Variants in CACNA1B observed in about 807,000 individuals in gnomAD.
The protein encoded by CACNA1B is voltage-dependent N-type calcium channel subunit alpha-1B.
Under a neutral mutation model 247.2 loss-of-function variants are expected in CACNA1B, and 70 were observed. The ratio of observed to expected loss-of-function variants is 0.28; its 90% CI spans 0.23 to 0.35. The LOEUF (loss-of-function observed/expected upper bound fraction) is 0.35, where lower values mean the gene tolerates loss of function less well. Among genes scored for constraint, CACNA1B ranks in the 10% least tolerant of loss-of-function variants. CACNA1B has a pLI of 1.00. For missense variants in CACNA1B, 2,367 were observed against 3,197.4 expected, an observed-to-expected ratio of 0.74 and a Z score of 6.26; for synonymous variants, 1,231 against 1,294.4, an observed-to-expected ratio of 0.95 and a Z score of 1.05.
intron 20 of CACNA1B, chr9:138,032,722 G>T: frequency 2.2e-6 from 1 of 452,612 alleles, no homozygotes; most frequent in African/African-American, 2.0e-5. Context: ...TGACCTCCAT[G>T]GTTTCTGATG....
intron 6 of CACNA1B, among the ~76,000 whole-genome samples, chr9:137,936,691 T>G (rs1353862089): frequency 6.6e-6 from 1 of 152,262 alleles, no homozygotes; most frequent in Non-Finnish European, 1.5e-5. Context: ...TTCAGCTTTC[T>G]ATATATGGCT....
chr9:138,099,258 T>A (rs1961163647), intron 37 of CACNA1B, among the ~76,000 whole-genome samples: 2 of 152,258 alleles, frequency 1.3e-5, no homozygotes, highest in African/African-American at 4.8e-5. Flanking sequence ...TCTACATGTG[T>A]GTTTTGTGCA....
intron 6 of CACNA1B, among the ~76,000 whole-genome samples, chr9:137,951,971 G>A (rs1185568111): frequency 1.3e-5 from 2 of 152,182 alleles, no homozygotes; most frequent in African/African-American, 4.8e-5. Flanking sequence ...CACTGCTGTG[G>A]CTCCCTGGGC....
chr9:138,031,404 T>A (rs1282846737), intron 20 of CACNA1B, among the ~76,000 whole-genome samples: 1 of 152,176 alleles, frequency 6.6e-6, no homozygotes, highest in African/African-American at 2.4e-5. Context: ...TTCTTTTAAG[T>A]TTGTTAAGGT....
chr9:137,916,533 G>A (rs904898947), intron 5 of CACNA1B, among the ~76,000 whole-genome samples: 32 of 152,164 alleles, frequency 2.1e-4, no homozygotes, highest in South Asian at 2.1e-4. Flanking sequence ...TCAGTGCAGC[G>A]AGACCTGGGC....
chr9:137,922,881 C>T (rs1198873590), intron 6 of CACNA1B, among the ~76,000 whole-genome samples: 1 of 152,170 alleles, frequency 6.6e-6, no homozygotes, highest in African/African-American at 2.4e-5. Context: ...TAGAGCATCT[C>T]CATCCCTGCA....
intron 16 of CACNA1B, among the ~76,000 whole-genome samples, chr9:138,008,884 A>C (rs771789968): frequency 7.9e-5 from 12 of 152,208 alleles, no homozygotes; most frequent in Non-Finnish European, 1.8e-4. Context: ...CTGCCGTCCC[A>C]TAGAGGATTG....
chr9:138,064,469 GCCT>G (rs1171821542), intron 31 of CACNA1B, among the ~76,000 whole-genome samples: 1 of 152,224 alleles, frequency 6.6e-6, no homozygotes, highest in African/African-American at 2.4e-5. Flanking sequence ...GCTGTTATCA[GCCT>G]TCTGCTCACT....
Position 138,023,381 on chromosome 9 carries a change from GGTGCCC to G in CACNA1B, c.2640_2645del (p.Ala881_Arg882del). On this transcript the variant is annotated inframe_deletion, in exon 19 of 47. Coordinates refer to ENST00000371372, the MANE Select transcript of CACNA1B (RefSeq NM_000718.4). Reference sequence around the variant, plus strand: ...CCCGAAGGCGGAGAGCGGGGAGCCCGGTGCCCGGGAGGAGCGGCCGCGGCCGCACCG... The same window carrying G: ...CCCGAAGGCGGAGAGCGGGGAGCCCGGGGAGGAGCGGCCGCGGCCGCACCG... 7.2e-7 allele frequency: 1 copy of G among 1,379,604 alleles called. No homozygotes were observed. The highest frequency in any genetic ancestry group is 9.3e-7 in the Non-Finnish European group (1 of 1,074,702). 85.5% of individuals were successfully genotyped at this position (1,379,604 alleles called of 1,614,324 possible).
chr9:138,067,932 G>A (rs1959977984), intron 31 of CACNA1B, among the ~76,000 whole-genome samples: 2 of 152,202 alleles, frequency 1.3e-5, no homozygotes, highest in Non-Finnish European at 2.9e-5. Flanking sequence ...AGTGCCCATC[G>A]GTAACAGAAT....
intron 32 of CACNA1B, among the ~76,000 whole-genome samples, chr9:138,070,229 A>T (rs1960075961): frequency 6.6e-6 from 1 of 151,320 alleles, no homozygotes; most frequent in African/African-American, 2.4e-5. Context: ...GCCTCTGCAG[A>T]CTCCCCTGTA....
At chr9:138,003,901 C>T (rs1042518476) in intron 15 of CACNA1B, among the ~76,000 whole-genome samples, 7 of 150,022 alleles carry the variant, frequency 4.7e-5, no homozygotes, top group Non-Finnish European at 7.4e-5. Context: ...GGACTACAGA[C>T]GTGAGCCACC....
At chr9:138,085,769 C>G (rs1012712873) in intron 36 of CACNA1B, among the ~76,000 whole-genome samples, 4 of 151,270 alleles carry the variant, frequency 2.6e-5, no homozygotes, top group Non-Finnish European at 5.9e-5. Context: ...AAAAAACAAA[C>G]TGTCAGTCAA....
In CACNA1B at chr9:137,986,981, A is replaced by G; in HGVS notation, c.1974+127A>G. On this transcript the variant is annotated intron_variant, in intron 15 of 46. Transcript: ENST00000371372. The surrounding 1 kb of genome is among the most constrained non-coding windows in gnomAD (Gnocchi z 6.0). The stretch of plus-strand genomic sequence containing the variant: ...ACGGCCCAGATCACTGACTTTTCAG[A>G]CACAGTGTTCCTCAAACGAGGGAAG... 3 of 803,216 alleles carry G rather than the reference A, an allele frequency of 3.7e-6. No homozygotes were observed. The highest frequency in any genetic ancestry group is 3.5e-5 in the Admixed American group (2 of 57,140). 49.8% of individuals were successfully genotyped at this position (803,216 alleles called of 1,614,324 possible).
At chr9:137,940,510 T>C (rs1485436092) in intron 6 of CACNA1B, among the ~76,000 whole-genome samples, 1 of 152,142 alleles carries the variant, frequency 6.6e-6, no homozygotes, top group Non-Finnish European at 1.5e-5. Flanking sequence ...TTGGTACCAA[T>C]CCTATCGACA....
At chr9:138,028,715 A>C (rs1471636366) in intron 20 of CACNA1B, among the ~76,000 whole-genome samples, 1 of 152,224 alleles carries the variant, frequency 6.6e-6, no homozygotes, top group African/African-American at 2.4e-5. Flanking sequence ...TTTCCTGCCC[A>C]GGTGCTTAAT....
At chr9:137,992,230 A>C (rs1032901621) in intron 15 of CACNA1B, among the ~76,000 whole-genome samples, 2 of 152,346 alleles carry the variant, frequency 1.3e-5, no homozygotes, top group South Asian at 2.1e-4. Flanking sequence ...CATAAACTTA[A>C]AGGGGTGGAA....
chr9:137,938,710 A>G (rs1957697427), intron 6 of CACNA1B, among the ~76,000 whole-genome samples: 1 of 152,188 alleles, frequency 6.6e-6, no homozygotes, highest in Non-Finnish European at 1.5e-5. Flanking sequence ...AAATATCACA[A>G]TCCTAAATAT....
intron 36 of CACNA1B, among the ~76,000 whole-genome samples, chr9:138,086,293 C>T (rs1960691287): frequency 6.6e-6 from 1 of 151,164 alleles, no homozygotes; most frequent in Non-Finnish European, 1.5e-5. Context: ...GAAAAACATA[C>T]TCCACGTAAA....
Sources: allele counts gnomAD v4.1 joint callset (sites outside exome capture counted in the v4.1 genomes callset), GRCh38; gene constraint gnomAD v4.1.1; non-coding constraint Gnocchi (gnomAD v3.1); transcripts MANE v1.5; gene names NCBI Gene and HGNC (gene_info 2026-07-23, HGNC 2026-07-21).